The following MAPT variants were observed in gnomAD, a reference collection of about 807,000 sequenced individuals.
The protein encoded by MAPT is microtubule-associated protein tau.
MAPT carries 34 observed loss-of-function variants against 67.9 expected under a neutral mutation model. The observed-to-expected ratio is 0.50, with a 90% CI of 0.38 to 0.67. The LOEUF (loss-of-function observed/expected upper bound fraction) is 0.67, where lower values mean the gene tolerates loss of function less well. Among genes scored for constraint, MAPT ranks in the 30% least tolerant of loss-of-function variants. The pLI is 0.00. For synonymous variants in MAPT, 456 were observed against 464.5 expected (o/e 0.98, Z 0.23); for missense variants, 881 against 1,115.2 (o/e 0.79, Z 2.99).
intron 11 of MAPT, among the ~76,000 whole-genome samples, chr17:46,014,549 G>A (rs2076028460): frequency 6.6e-6 from 1 of 152,170 alleles, no homozygotes; most frequent in African/African-American, 2.4e-5. Flanking sequence ...TGAGGCGGGA[G>A]TGAAGTGAAA....
At position 45,996,684 on chromosome 17, in the gene MAPT, C is replaced by T. The variant is rs201301204; in HGVS notation, c.1998+20C>T. Reference sequence around the variant, plus strand: ...GGGAAGGTGAGAGTGGCTGGCTGCGCGTGGAGGTGTGGGGGGCTGCGCCTG... The same window carrying T: ...GGGAAGGTGAGAGTGGCTGGCTGCGTGTGGAGGTGTGGGGGGCTGCGCCTG... On this transcript the variant is annotated intron_variant, in intron 9 of 12. Transcript: ENST00000262410. The surrounding 1 kb of genome is among the most constrained non-coding windows in gnomAD (Gnocchi z 4.5). 2.9e-5 allele frequency: 47 copies of T among 1,611,942 alleles called. No homozygotes were observed. Among genetic ancestry groups the T allele is most frequent in the South Asian group, 2.9e-4 (26 of 90,892 alleles).
intron 1 of MAPT, among the ~76,000 whole-genome samples, chr17:45,901,551 C>T (rs187469095): frequency 5.7e-4 from 87 of 152,212 alleles, no homozygotes; most frequent in African/African-American, 2.0e-3. Flanking sequence ...TTCCATGTAT[C>T]CAATAAGTAT....
intron 11 of MAPT, among the ~76,000 whole-genome samples, 166 bp downstream of exon 11, chr17:46,014,490 G>A (rs1233244452): frequency 6.6e-6 from 1 of 152,240 alleles, no homozygotes; most frequent in Non-Finnish European, 1.5e-5. Flanking sequence ...CCCAGGAGGC[G>A]TGGTGGCTCC....
At chr17:45,969,893 A>G (rs946041018) in intron 2 of MAPT, among the ~76,000 whole-genome samples, 1 of 150,694 alleles carries the variant, frequency 6.6e-6, no homozygotes, top group Admixed American at 6.6e-5. Context: ...TCCTCCATCC[A>G]TCCCATTATC....
At chr17:45,924,734 A>G (rs895233775) in intron 1 of MAPT, among the ~76,000 whole-genome samples, 1 of 152,248 alleles carries the variant, frequency 6.6e-6, no homozygotes, top group Non-Finnish European at 1.5e-5. Flanking sequence ...GAACTATCCC[A>G]ATGGCCTGAC....
At chr17:45,974,890 G>A in intron 3 of MAPT, 1 of 230,426 alleles carries the variant, frequency 4.3e-6, no homozygotes, top group East Asian at 1.1e-4. Flanking sequence ...GCGCACAGAG[G>A]GTGCAGATGA....
At chr17:46,009,580 G>A (rs1488274800) in intron 9 of MAPT, among the ~76,000 whole-genome samples, 2 of 112,802 alleles carry the variant, frequency 1.8e-5, no homozygotes, top group Admixed American at 9.6e-5. Flanking sequence ...GCTGGTGGGT[G>A]GATGGAAGGA....
At chr17:46,001,906 A>G (rs2075034305) in intron 9 of MAPT, among the ~76,000 whole-genome samples, 1 of 152,196 alleles carries the variant, frequency 6.6e-6, no homozygotes, top group South Asian at 2.1e-4. Context: ...CAAGTCAGCA[A>G]GCCAGAGAAG....
At chr17:45,944,947 C>T (rs1233845026) in intron 1 of MAPT, among the ~76,000 whole-genome samples, 1 of 152,238 alleles carries the variant, frequency 6.6e-6, no homozygotes, top group African/African-American at 2.4e-5. Context: ...CAGCAAATCA[C>T]CTCTCGCCAG....
rs549803341 is a variant in MAPT at position 45,906,533 on chromosome 17, C to T, written c.-18+11847C>T. ...GCTTGCACCTGGCATTTGAATTGAG[C>T]CAGAGCGGGGCTAAAGTCAGTTTGC... On this transcript the variant is annotated intron_variant, in intron 1 of 12. Transcript: ENST00000262410. This position sits in a 1 kb window ranked among gnomAD's most constrained non-coding sequence, Gnocchi z 4.3. Among the ~76,000 whole-genome samples the T allele has an allele frequency of 6.6e-6, 1 of 152,184 alleles. No individual in the cohort carries two copies. The highest frequency in any genetic ancestry group is 2.1e-4 in the South Asian group (1 of 4,814).
chr17:45,951,896 G>C (rs990991120), intron 1 of MAPT, among the ~76,000 whole-genome samples: 1 of 152,140 alleles, frequency 6.6e-6, no homozygotes, highest in African/African-American at 2.4e-5. Context: ...AAAGGAGAAA[G>C]GAAGAGAGAG....
intron 1 of MAPT, among the ~76,000 whole-genome samples, chr17:45,941,094 G>T (rs1262802319): frequency 6.6e-6 from 1 of 152,184 alleles, no homozygotes; most frequent in Non-Finnish European, 1.5e-5. Context: ...ACAGGAGACC[G>T]GAGAGGCTGA....
chr17:45,983,474 G>A lies in MAPT; in HGVS notation c.895G>A (p.Val299Ile), dbSNP rs1378923121. The A allele has an allele frequency of 6.2e-6, 10 of 1,609,324 alleles. No individual in the cohort carries two copies. Among genetic ancestry groups the A allele is most frequent in the South Asian group, 2.2e-5 (2 of 90,880 alleles). The change falls in exon 5 of 13, where the codon GTC becomes ATC. Residue 299 changes from valine (V) to isoleucine (I), a missense_variant. By Grantham distance (29) the Val-to-Ile change is conservative. Coordinates refer to ENST00000262410, the MANE Select transcript of MAPT (RefSeq NM_001377265.1). ...GGAGGAGGTGGATGAAGACCGCGACGTCGATGAGTCCTCCCCCCAAGACTC... is the reference window on the plus strand; with the variant it reads ...GGAGGAGGTGGATGAAGACCGCGACATCGATGAGTCCTCCCCCCAAGACTC... ...SKEEVDEDRD[V>I]DESSPQDSPP... is the part of the protein sequence containing the mutation.
At position 45,896,237 on chromosome 17, in the gene MAPT, G is replaced by A. The variant is rs1057243865; in HGVS notation, c.-18+1551G>A. The A allele has an allele frequency of 6.6e-6, 1 of 152,336 alleles. No individual in the cohort carries two copies. Among genetic ancestry groups the A allele is most frequent in the Admixed American group, 6.5e-5 (1 of 15,298 alleles). 9.4% of individuals were successfully genotyped at this position (152,336 alleles called of 1,614,324 possible). A position where few individuals can be genotyped will look rare whatever the true frequency, so the allele number is the denominator to read the frequency against. On this transcript the variant is annotated intron_variant, in intron 1 of 12. Coordinates refer to ENST00000262410, the MANE Select transcript of MAPT (RefSeq NM_001377265.1). This position sits in a 1 kb window ranked among gnomAD's most constrained non-coding sequence, Gnocchi z 5.6. The stretch of plus-strand genomic sequence containing the variant: ...GCCGGCGCCGGGAAGCTTCTGAAGG[G>A]ATGGGATTCGAGTCTCCGTGCGCGC...
rs2063364867 is a variant in MAPT at position 45,897,873 on chromosome 17, C to G, written c.-18+3187C>G. 1 of 152,210 alleles carries G rather than the reference C, an allele frequency of 6.6e-6. No homozygotes were observed. Among genetic ancestry groups the G allele is most frequent in the Non-Finnish European group, 1.5e-5 (1 of 68,074 alleles). The allele number at this position is 152,210 out of a possible 1,614,324, so 9.4% of individuals were successfully genotyped here. A position where few individuals can be genotyped will look rare whatever the true frequency, so the allele number is the denominator to read the frequency against. On this transcript the variant is annotated intron_variant, in intron 1 of 12. Transcript: ENST00000262410. The surrounding 1 kb of genome is among the most constrained non-coding windows in gnomAD (Gnocchi z 5.0). ...TCGGCCCCTTAACTGACCCATCCTA[C>G]AGGAGACAGGGAAATGTCTTTCCTA...
At chr17:45,984,332 A>G (rs2073325052) in intron 5 of MAPT, among the ~76,000 whole-genome samples, 1 of 152,224 alleles carries the variant, frequency 6.6e-6, no homozygotes, top group Non-Finnish European at 1.5e-5. Context: ...AAGCAGCCCC[A>G]CTTTGCAGAT....
chr17:45,962,404 A>G lies in MAPT; in HGVS notation c.67A>G (p.Arg23Gly). The G allele has an allele frequency of 6.2e-7, 1 of 1,612,788 alleles. No homozygotes were observed. The highest frequency in any genetic ancestry group is 8.5e-7 in the Non-Finnish European group (1 of 1,179,974). Residue 23 changes from arginine to glycine, a missense_variant, in exon 2 of 13, where the codon AGG becomes GGG. Physicochemically the swap from Arg to Gly is moderately radical, Grantham distance 125. Transcript: ENST00000262410. The stretch of plus-strand genomic sequence containing the variant: ...CGCTGGGACGTACGGGTTGGGGGAC[A>G]GGAAAGATCAGGGGGGCTACACCAT... ...DHAGTYGLGDRKDQGGYTMHQ... is the reference protein window; with the variant it reads ...DHAGTYGLGDGKDQGGYTMHQ...
intron 2 of MAPT, among the ~76,000 whole-genome samples, chr17:45,964,048 G>A (rs2070754691): frequency 1.3e-5 from 2 of 152,076 alleles, no homozygotes; most frequent in Non-Finnish European, 2.9e-5. Flanking sequence ...GCTCGGCCCA[G>A]CCTCCCTGCC....
chr17:45,933,239 C>G (rs1027072679), intron 1 of MAPT, among the ~76,000 whole-genome samples: 9 of 131,646 alleles, frequency 6.8e-5, no homozygotes, highest in African/African-American at 2.5e-4. Flanking sequence ...TGAACTCTCT[C>G]TCTCCCTTTT....
Sources: gnomAD v4.1 joint callset for allele counts (sites outside exome capture counted in the v4.1 genomes callset) on GRCh38, gnomAD v4.1.1 for gene constraint, Gnocchi (gnomAD v3.1) non-coding constraint, MANE v1.5 for transcripts, NCBI Gene and HGNC (gene_info 2026-07-23, HGNC 2026-07-21) for gene names.